The following ADAM12 variants were observed in gnomAD, a reference collection of about 807,000 sequenced individuals.
The protein encoded by ADAM12 is disintegrin and metalloproteinase domain-containing protein 12.
A neutral mutation model predicts 106.4 loss-of-function variants in ADAM12; 70 were observed. The observed-to-expected ratio is 0.66, with a 90% CI of 0.54 to 0.80. The LOEUF (loss-of-function observed/expected upper bound fraction) is 0.80, where lower values mean the gene tolerates loss of function less well. Ranked by LOEUF, ADAM12 falls within the 30% of genes least tolerant of loss-of-function variation. The pLI is 0.00. For synonymous variants in ADAM12, 420 were observed against 433.5 expected (o/e 0.97, Z 0.39); for missense variants, 1,010 against 1,171.9 (o/e 0.86, Z 2.02).
intron 1 of ADAM12, among the ~76,000 whole-genome samples, chr10:126,367,786 A>G (rs4638224): frequency 0.083 from 12,568 of 152,038 alleles, 592 homozygotes; most frequent in East Asian, 0.18. Flanking sequence ...GTTAACTCAG[A>G]TGACATGGAC....
rs540572496 is a variant in ADAM12 at position 126,075,060 on chromosome 10, C to A, written c.1146-3406G>T. ...AAGGTCAATGGGGAGTCCAGCAGCC[C>A]TTCCACAAACATTCCTGCCATTTCC... On this transcript the variant is annotated intron_variant, in intron 11 of 22. Coordinates refer to ENST00000448723, the MANE Select transcript of ADAM12 (RefSeq NM_001288973.2). Among the ~76,000 whole-genome samples the A allele has an allele frequency of 5.3e-4, 81 of 152,324 alleles. 1 individual carries two copies. Among genetic ancestry groups the A allele is most frequent in the Non-Finnish European group, 9.8e-4 (67 of 68,036 alleles).
chr10:126,154,968 TAGTCC>T (rs1275521051), intron 4 of ADAM12, among the ~76,000 whole-genome samples: 1 of 152,190 alleles, frequency 6.6e-6, no homozygotes, highest in Admixed American at 6.5e-5. Flanking sequence ...TGAGGATCCA[TAGTCC>T]TTGGAAGGTG....
At chr10:126,233,291 T>C (rs1366341137) in intron 3 of ADAM12, among the ~76,000 whole-genome samples, 2 of 151,936 alleles carry the variant, frequency 1.3e-5, no homozygotes, top group African/African-American at 4.8e-5. Context: ...GAGAGGATGC[T>C]AGAAGAGCCT....
At chr10:126,368,682 CAGA>C (rs1483027687) in intron 1 of ADAM12, among the ~76,000 whole-genome samples, 1 of 151,394 alleles carries the variant, frequency 6.6e-6, no homozygotes, top group Non-Finnish European at 1.5e-5. Context: ...TTTGTAGTTG[CAGA>C]AGGTGAGCTC....
intron 16 of ADAM12, among the ~76,000 whole-genome samples, chr10:126,046,586 C>T (rs1351295358): frequency 1.3e-5 from 2 of 151,782 alleles, no homozygotes; most frequent in Middle Eastern, 3.2e-3. Flanking sequence ...AGGCAGAACA[C>T]GAGGTCAGGA....
At chr10:126,077,616 C>A (rs1955127662) in intron 11 of ADAM12, among the ~76,000 whole-genome samples, 1 of 152,062 alleles carries the variant, frequency 6.6e-6, no homozygotes, top group South Asian at 2.1e-4. Flanking sequence ...TAATCTTTGA[C>A]AAAAATTGAC....
chr10:126,326,440 G>C (rs891949416), intron 2 of ADAM12, among the ~76,000 whole-genome samples: 1 of 152,034 alleles, frequency 6.6e-6, no homozygotes, highest in Non-Finnish European at 1.5e-5. Context: ...TATGTAGCCA[G>C]GGCCAAAACA....
At chr10:126,197,571 T>A (rs1957620527) in intron 3 of ADAM12, among the ~76,000 whole-genome samples, 1 of 152,198 alleles carries the variant, frequency 6.6e-6, no homozygotes, top group Admixed American at 6.5e-5. Flanking sequence ...GGAATGGAAG[T>A]CAGGGAATTT....
rs71309277 is a variant in ADAM12, at chr10:126,043,234, G to GC, written c.1996-87dup. ...AGAAGCAAGGGGGGCCATGGTCAGA[G>GC]CCCCCCCCCAACACTGACACAGCCA... On this transcript the variant is annotated intron_variant, in intron 17 of 22. Coordinates refer to ENST00000448723, the MANE Select transcript of ADAM12 (RefSeq NM_001288973.2). The surrounding 1 kb of genome is among the most constrained non-coding windows in gnomAD (Gnocchi z 4.1). 3,330 of 1,200,740 alleles carry GC rather than the reference G, an allele frequency of 2.8e-3. 16 individuals are homozygous for GC. Among genetic ancestry groups the GC allele is most frequent in the African/African-American group, 0.019 (1,225 of 65,864 alleles). 74.4% of individuals were successfully genotyped at this position (1,200,740 alleles called of 1,614,324 possible).
intron 3 of ADAM12, among the ~76,000 whole-genome samples, chr10:126,242,085 T>C (rs1038105596): frequency 5.3e-5 from 8 of 152,158 alleles, no homozygotes; most frequent in African/African-American, 1.9e-4. Flanking sequence ...TGCAAAGCTA[T>C]GTTTCTGAAA....
At chr10:126,152,849 T>C (rs532436899) in intron 4 of ADAM12, among the ~76,000 whole-genome samples, 3 of 152,306 alleles carry the variant, frequency 2.0e-5, no homozygotes, top group South Asian at 2.1e-4. Context: ...CACACTCTTA[T>C]CAAAATCTAA....
chr10:126,246,155 T>C (rs747635254), intron 3 of ADAM12, among the ~76,000 whole-genome samples: 3 of 151,998 alleles, frequency 2.0e-5, no homozygotes, highest in Non-Finnish European at 2.9e-5. Flanking sequence ...CAGGAATAAA[T>C]AGGGCCTAAG....
intron 21 of ADAM12, among the ~76,000 whole-genome samples, chr10:126,032,546 C>T (rs1013934705): frequency 6.6e-6 from 1 of 152,140 alleles, no homozygotes; most frequent in East Asian, 1.9e-4. Flanking sequence ...GAAAAAAACA[C>T]CAGCAGTAGG....
chr10:126,201,057 C>CAGGCTAAAGT (rs1957690536), intron 3 of ADAM12, among the ~76,000 whole-genome samples: 1 of 152,110 alleles, frequency 6.6e-6, no homozygotes, highest in Non-Finnish European at 1.5e-5. Context: ...GTATGAGCAT[C>CAGGCTAAAGT]AGGCTAAAGT....
chr10:126,066,525 G>A lies in ADAM12; in HGVS notation c.1413+192C>T, dbSNP rs943918297. On this transcript the variant is annotated intron_variant, in intron 13 of 22. Transcript: ENST00000448723. The surrounding 1 kb of genome is among the most constrained non-coding windows in gnomAD (Gnocchi z 5.1). ...AACACAAGTGACTGGCAACTGAAGC[G>A]TGCATTTCACCCCAAGATTGGAAGC... is the stretch of plus-strand genomic sequence containing the variant. Among the ~76,000 whole-genome samples the A allele has an allele frequency of 7.9e-5, 12 of 152,326 alleles. No individual in the cohort carries two copies. The highest frequency in any genetic ancestry group is 5.9e-5 in the Non-Finnish European group (4 of 68,032).
chr10:126,051,084 T>A (rs992775281), intron 14 of ADAM12, among the ~76,000 whole-genome samples: 2 of 152,110 alleles, frequency 1.3e-5, no homozygotes, highest in Non-Finnish European at 2.9e-5. Flanking sequence ...TTTGTCCGCA[T>A]TCTGCCTTCT....
At chr10:126,168,782 G>A (rs537995366) in intron 3 of ADAM12, among the ~76,000 whole-genome samples, 277 of 152,022 alleles carry the variant, frequency 1.8e-3, no homozygotes, top group African/African-American at 5.7e-3. Flanking sequence ...GGCCAGGCGC[G>A]GTGGCTCACA....
chr10:126,172,306 T>C (rs1590555410), intron 3 of ADAM12, among the ~76,000 whole-genome samples: 1 of 152,306 alleles, frequency 6.6e-6, no homozygotes, highest in South Asian at 2.1e-4. Context: ...GGTCAGAGCA[T>C]TGTTTGACCT....
intron 1 of ADAM12, among the ~76,000 whole-genome samples, chr10:126,369,460 G>T (rs1424513840): frequency 6.6e-6 from 1 of 152,182 alleles, no homozygotes; most frequent in African/African-American, 2.4e-5. Flanking sequence ...CCTTGACTGG[G>T]GTTGGGTGGG....
Sources: gnomAD v4.1 joint callset for allele counts (sites outside exome capture counted in the v4.1 genomes callset) on GRCh38, gnomAD v4.1.1 for gene constraint, Gnocchi (gnomAD v3.1) non-coding constraint, MANE v1.5 for transcripts, NCBI Gene and HGNC (gene_info 2026-07-23, HGNC 2026-07-21) for gene names.